NAALADL2: variants seen among roughly 807,000 people sequenced by gnomAD.
NAALADL2 encodes the protein N-acetylated alpha-linked acidic dipeptidase like 2.
NAALADL2 carries 76 observed loss-of-function variants against 87.2 expected under a neutral mutation model. The ratio of observed to expected loss-of-function variants is 0.87; its 90% confidence interval spans 0.72 to 1.05. The LOEUF (loss-of-function observed/expected upper bound fraction) is 1.05. Among genes scored for constraint, NAALADL2 ranks in the 50% least tolerant of loss-of-function variants. The pLI, the probability that NAALADL2 is intolerant of heterozygous loss-of-function variation, is 0.00. For missense variants in NAALADL2, 1,089 were observed against 945.8 expected, an observed-to-expected ratio of 1.15 and a Z score of -1.99; for synonymous variants, 354 against 331.0, an observed-to-expected ratio of 1.07 and a Z score of -0.75.
At chr3:174,925,714 T>C (rs1735920330) in intron 1 of NAALADL2, among the ~76,000 whole-genome samples, 1 of 152,188 alleles carries the variant, frequency 6.6e-6, no homozygotes, top group Non-Finnish European at 1.5e-5. Flanking sequence ...GAACATGGAA[T>C]GTTCTTCCAT....
chr3:174,645,187 G>A (rs1196507586), intron 2 of NAALADL2, among the ~76,000 whole-genome samples: 1 of 152,164 alleles, frequency 6.6e-6, no homozygotes, highest in African/African-American at 2.4e-5. Flanking sequence ...GGAAATCTGG[G>A]CATTATTGTA....
chr3:175,685,714 CT>C (rs1265903602), intron 11 of NAALADL2, among the ~76,000 whole-genome samples: 1 of 151,910 alleles, frequency 6.6e-6, no homozygotes, highest in Non-Finnish European at 1.5e-5. Context: ...ACTGGAGACC[CT>C]GGAAAAGCTG....
chr3:174,701,614 C>T (rs1729562526), intron 2 of NAALADL2, among the ~76,000 whole-genome samples: 1 of 152,064 alleles, frequency 6.6e-6, no homozygotes, highest in Admixed American at 6.6e-5. Flanking sequence ...TCTCACTCAC[C>T]TTTCTAATCC....
chr3:174,738,762 T>C (rs1225654066), intron 3 of NAALADL2, among the ~76,000 whole-genome samples: 2 of 152,192 alleles, frequency 1.3e-5, no homozygotes, highest in African/African-American at 4.8e-5. Context: ...TGAGCTCCAT[T>C]TCTGTTACTT....
intron 1 of NAALADL2, among the ~76,000 whole-genome samples, chr3:174,910,224 A>G (rs1378146477): frequency 6.6e-6 from 1 of 150,958 alleles, no homozygotes; most frequent in Non-Finnish European, 1.5e-5. Context: ...TGTGAAGAGT[A>G]AAGTAAACAT....
At chr3:175,424,042 CT>C (rs1716343032) in intron 5 of NAALADL2, among the ~76,000 whole-genome samples, 1 of 152,122 alleles carries the variant, frequency 6.6e-6, no homozygotes, top group Non-Finnish European at 1.5e-5. Context: ...TTTCATGTGC[CT>C]TTTGGCTGCA....
At chr3:174,522,689 C>T (rs986819840) in intron 1 of NAALADL2, among the ~76,000 whole-genome samples, 1 of 151,864 alleles carries the variant, frequency 6.6e-6, no homozygotes, top group Middle Eastern at 3.2e-3. Flanking sequence ...AATCCCAGCA[C>T]TTTGAGAGGC....
intron 4 of NAALADL2, among the ~76,000 whole-genome samples, chr3:175,282,641 C>T (rs1391595046): frequency 3.3e-5 from 5 of 152,008 alleles, no homozygotes; most frequent in African/African-American, 9.7e-5. Context: ...TTAAGGATCA[C>T]CAGATGCATG....
intron 2 of NAALADL2, among the ~76,000 whole-genome samples, chr3:174,575,293 G>C (rs1715399083): frequency 6.6e-6 from 1 of 152,044 alleles, no homozygotes; most frequent in Non-Finnish European, 1.5e-5. Context: ...GCAAAATTAT[G>C]ACAGCAGTAA....
intron 3 of NAALADL2, among the ~76,000 whole-genome samples, chr3:175,241,095 AT>A (rs1245251219): frequency 2.0e-5 from 3 of 151,978 alleles, no homozygotes; most frequent in Non-Finnish European, 1.5e-5. Flanking sequence ...GCTGTTATTC[AT>A]TTTTTTTAAA....
At chr3:175,420,208 T>C (rs1409870161) in intron 5 of NAALADL2, among the ~76,000 whole-genome samples, 1 of 152,034 alleles carries the variant, frequency 6.6e-6, no homozygotes, top group Non-Finnish European at 1.5e-5. Flanking sequence ...TCTGAAGTAC[T>C]TGAATGATTC....
rs557474572 is a variant in NAALADL2 at position 175,031,254 on chromosome 3, G to T, written c.44-65536G>T. On this transcript the variant is annotated intron_variant, in intron 1 of 13. Coordinates refer to ENST00000454872, the MANE Select transcript of NAALADL2 (RefSeq NM_207015.3). ...ACCCAGGTAGCCTGGTACCCAATAG[G>T]TAATTTTTCAACCCTTGCCTCCCTC... is the stretch of plus-strand genomic sequence containing the variant. 6.4e-4 allele frequency among the ~76,000 whole-genome samples: 98 copies of T among 151,978 alleles called. 1 individual carries two copies. The highest frequency in any genetic ancestry group is 1.2e-3 in the Non-Finnish European group (84 of 67,936).
intron 10 of NAALADL2, among the ~76,000 whole-genome samples, chr3:175,581,579 CA>C (rs1305265749): frequency 2.6e-5 from 4 of 152,086 alleles, no homozygotes; most frequent in African/African-American, 9.7e-5. Context: ...CATATAATGA[CA>C]AGTATTTTTC....
intron 2 of NAALADL2, among the ~76,000 whole-genome samples, chr3:174,559,319 C>T (rs1272378992): frequency 3.3e-5 from 5 of 152,098 alleles, no homozygotes; most frequent in Admixed American, 6.6e-5. Context: ...CACCCCCTAC[C>T]CCCACCATAC....
chr3:174,815,076 A>G (rs1477064029), intron 3 of NAALADL2, among the ~76,000 whole-genome samples: 1 of 152,188 alleles, frequency 6.6e-6, no homozygotes, highest in Admixed American at 6.5e-5. Flanking sequence ...TGGGGAAACA[A>G]ACTATGTTAA....
At chr3:175,634,364 T>C (rs1412492697) in intron 11 of NAALADL2, among the ~76,000 whole-genome samples, 1 of 151,962 alleles carries the variant, frequency 6.6e-6, no homozygotes, top group Non-Finnish European at 1.5e-5. Flanking sequence ...TCAGTTGTTA[T>C]AATATTCTTA....
chr3:174,768,131 C>T (rs1282669574), intron 3 of NAALADL2, among the ~76,000 whole-genome samples: 1 of 152,174 alleles, frequency 6.6e-6, no homozygotes, highest in Non-Finnish European at 1.5e-5. Flanking sequence ...CCCTTTCTGG[C>T]AAGTTATAAC....
intron 1 of NAALADL2, among the ~76,000 whole-genome samples, chr3:174,895,635 C>A (rs868533613): frequency 6.6e-6 from 1 of 152,174 alleles, no homozygotes; most frequent in Non-Finnish European, 1.5e-5. Flanking sequence ...ACTCAAACTA[C>A]ACTCAAGAAG....
intron 1 of NAALADL2, among the ~76,000 whole-genome samples, chr3:174,547,822 A>G (rs1711569633): frequency 2.0e-5 from 3 of 152,302 alleles, no homozygotes; most frequent in East Asian, 1.9e-4. Context: ...CATAATTGTG[A>G]GCATATTTTG....
Sources: allele counts gnomAD v4.1 joint callset (sites outside exome capture counted in the v4.1 genomes callset), GRCh38; gene constraint gnomAD v4.1.1; transcripts MANE v1.5; gene names NCBI Gene and HGNC (gene_info 2026-07-23, HGNC 2026-07-21).